The following CCDC91 variants were observed in gnomAD, a reference collection of about 807,000 sequenced individuals.
CCDC91 encodes the protein coiled-coil domain containing 91, also known as coiled-coil domain-containing protein 91.
CCDC91 carries 48 observed loss-of-function variants against 63.2 expected under a neutral mutation model. The ratio of observed to expected loss-of-function variants is 0.76; its 90% CI spans 0.60 to 0.97. The LOEUF (loss-of-function observed/expected upper bound fraction) is 0.97, where lower values mean the gene tolerates loss of function less well. Among genes scored for constraint, CCDC91 ranks in the 50% least tolerant of loss-of-function variants. CCDC91 has a pLI of 0.00. For missense variants in CCDC91, 500 were observed against 494.6 expected (o/e 1.01, Z -0.10); for synonymous variants, 167 against 165.8 (o/e 1.01, Z -0.06).
intron 3 of CCDC91, among the ~76,000 whole-genome samples, chr12:28,260,614 C>T (rs182500061): frequency 8.6e-5 from 13 of 151,958 alleles, no homozygotes; most frequent in East Asian, 7.7e-4. Context: ...CCCATGTCTA[C>T]GTGCACCTAT....
chr12:28,391,328 C>G lies in CCDC91; in HGVS notation c.679C>G (p.Gln227Glu), dbSNP rs1217177163. The G allele has an allele frequency of 1.9e-6, 3 of 1,612,230 alleles. No homozygotes were observed. The highest frequency in any genetic ancestry group is 3.3e-5 in the Admixed American group (2 of 59,946). ...YKALLQSSVK[Q>E]QVEAIEKQYI... Reference sequence around the variant, plus strand: ...GGCACTACTGCAGTCTTCAGTTAAGCAACAAGTAGAAGCTATTGAAAAACA... The same window carrying G: ...GGCACTACTGCAGTCTTCAGTTAAGGAACAAGTAGAAGCTATTGAAAAACA... The change falls in exon 8 of 13, where the codon CAA becomes GAA. Residue 227 changes from glutamine to glutamate, a missense_variant. Physicochemically the swap from Gln to Glu is conservative, Grantham distance 29. Transcript: ENST00000536442.
At chr12:28,436,618 T>C (rs1212919342) in intron 8 of CCDC91, among the ~76,000 whole-genome samples, 3 of 151,928 alleles carry the variant, frequency 2.0e-5, no homozygotes, top group Non-Finnish European at 2.9e-5. Context: ...TTGCATCATT[T>C]TCCTTGTCTC....
intron 6 of CCDC91, among the ~76,000 whole-genome samples, chr12:28,337,416 C>T (rs1942066996): frequency 6.6e-6 from 1 of 152,032 alleles, no homozygotes. Flanking sequence ...AGCAATGAAA[C>T]ATGCTTTTCA....
chr12:28,510,652 A>G (rs1299921478), intron 12 of CCDC91, among the ~76,000 whole-genome samples: 1 of 151,922 alleles, frequency 6.6e-6, no homozygotes, highest in Non-Finnish European at 1.5e-5. Flanking sequence ...ATCTTTAGCC[A>G]AATATCAGTA....
chr12:28,304,108 G>T (rs1299586776), intron 3 of CCDC91, among the ~76,000 whole-genome samples: 1 of 151,872 alleles, frequency 6.6e-6, no homozygotes. Context: ...GCCAGGTGTG[G>T]TCGCTCACAC....
intron 3 of CCDC91, among the ~76,000 whole-genome samples, chr12:28,299,432 C>T (rs545660260): frequency 6.6e-6 from 1 of 151,692 alleles, no homozygotes; most frequent in Admixed American, 6.6e-5. Context: ...TCTTACCCCT[C>T]CCTCTCTCAT....
Position 28,362,532 on chromosome 12 carries a change from GT to G in CCDC91, c.654+20del. On this transcript the variant is annotated intron_variant, in intron 7 of 12. Transcript: ENST00000536442. ...GAATATAAGGTAGAGGTTTGAGAGTGTTTACTTTTTTAAACCTTGGATAACT... is the reference window on the plus strand; with the variant it reads ...GAATATAAGGTAGAGGTTTGAGAGTGTTACTTTTTTAAACCTTGGATAACT... The G allele has an allele frequency of 6.5e-7, 1 of 1,527,086 alleles. No homozygotes were observed. The highest frequency in any genetic ancestry group is 2.1e-5 in the Admixed American group (1 of 47,012). 94.6% of individuals were successfully genotyped at this position (1,527,086 alleles called of 1,614,324 possible).
intron 12 of CCDC91, among the ~76,000 whole-genome samples, chr12:28,490,423 C>A (rs921599184): frequency 2.0e-5 from 3 of 151,806 alleles, no homozygotes; most frequent in African/African-American, 7.3e-5. Flanking sequence ...TCTACATAAG[C>A]TATATTGTAA....
In CCDC91 at chr12:28,329,876, T is replaced by C. The variant is rs185905769; in HGVS notation, c.576+22127T>C. 3.3e-3 allele frequency among the ~76,000 whole-genome samples: 497 copies of C among 152,320 alleles called. 7 individuals are homozygous for C. The highest frequency in any genetic ancestry group is 0.011 in the African/African-American group (464 of 41,570). On this transcript the variant is annotated intron_variant, in intron 6 of 12. Coordinates refer to ENST00000536442, the MANE Select transcript of CCDC91 (RefSeq NM_018318.5). ...TGAGAACATGTGGTGTTTGATTTTC[T>C]GTCCTTGTGATAGTTTGCAGAGAAT...
chr12:28,475,911 A>G (rs917473903), intron 11 of CCDC91, among the ~76,000 whole-genome samples: 6 of 151,990 alleles, frequency 3.9e-5, no homozygotes, highest in African/African-American at 7.2e-5. Flanking sequence ...GAATGGAGAC[A>G]TTATGGTTAC....
intron 1 of CCDC91, 70 bp from the exon 2 acceptor site, chr12:28,257,132 A>T: frequency 1.1e-6 from 1 of 883,080 alleles, no homozygotes; most frequent in South Asian, 1.4e-5. Context: ...GTATACATTT[A>T]AGTTGGAGAG....
At chr12:28,445,801 C>T (rs1448655181) in intron 8 of CCDC91, among the ~76,000 whole-genome samples, 10 of 152,128 alleles carry the variant, frequency 6.6e-5, no homozygotes, top group Admixed American at 6.6e-4. Flanking sequence ...TGTGCTCACA[C>T]AGAGAGAATA....
intron 1 of CCDC91, among the ~76,000 whole-genome samples, chr12:28,234,337 C>T (rs1433708521): frequency 6.6e-6 from 1 of 152,028 alleles, no homozygotes; most frequent in Non-Finnish European, 1.5e-5. Flanking sequence ...TGTAGTGAGA[C>T]AGTTGCAAAA....
At chr12:28,486,400 T>G (rs1951727867) in intron 12 of CCDC91, among the ~76,000 whole-genome samples, 1 of 152,192 alleles carries the variant, frequency 6.6e-6, no homozygotes, top group Non-Finnish European at 1.5e-5. Flanking sequence ...TTTAGTTATT[T>G]CCACATTTTT....
At chr12:28,212,246 G>C (rs1400418536) in intron 1 of CCDC91, among the ~76,000 whole-genome samples, 1 of 152,138 alleles carries the variant, frequency 6.6e-6, no homozygotes, top group Non-Finnish European at 1.5e-5. Flanking sequence ...AAATTTAAAG[G>C]AGTTTAATTG....
intron 8 of CCDC91, among the ~76,000 whole-genome samples, chr12:28,398,651 T>C (rs1946433586): frequency 6.6e-6 from 1 of 152,208 alleles, no homozygotes; most frequent in Admixed American, 6.5e-5. Flanking sequence ...AGAATTCTCT[T>C]TGATCTGCTC....
intron 11 of CCDC91, among the ~76,000 whole-genome samples, chr12:28,462,586 A>G (rs1263273913): frequency 1.3e-5 from 2 of 152,066 alleles, no homozygotes; most frequent in Non-Finnish European, 2.9e-5. Context: ...TCTACTGTTA[A>G]GTAGATTTTC....
In CCDC91 at chr12:28,449,085, A is replaced by T. The variant is rs189780424; in HGVS notation, c.763-1076A>T. Reference sequence around the variant, plus strand: ...AGTTTGGATTTGTTTTTAAGGAAAAACACATCTTTCATGTGATTTTACTTA... The same window carrying T: ...AGTTTGGATTTGTTTTTAAGGAAAATCACATCTTTCATGTGATTTTACTTA... On this transcript the variant is annotated intron_variant, in intron 8 of 12. Coordinates refer to ENST00000536442, the MANE Select transcript of CCDC91 (RefSeq NM_018318.5). Among the ~76,000 whole-genome samples, 7 of 152,152 alleles carry T rather than the reference A, an allele frequency of 4.6e-5. No individual in the cohort carries two copies. In the East Asian group the frequency reaches 1.4e-3, roughly 29 times the overall value.
rs1187723915 is a variant in CCDC91 at position 28,301,330 on chromosome 12, A to AT, written c.110-4311dup. On this transcript the variant is annotated intron_variant, in intron 3 of 12. Coordinates refer to ENST00000536442, the MANE Select transcript of CCDC91 (RefSeq NM_018318.5). ...TCCAGAGTCTGGAGATAATCATATA[A>AT]TTTTTTTTAAAATTCTGTTATTATG... 4.6e-5 allele frequency among the ~76,000 whole-genome samples: 7 copies of AT among 151,336 alleles called. No individual in the cohort carries two copies. In the South Asian group the frequency reaches 6.2e-4, roughly 13 times the overall value.
Sources: allele counts gnomAD v4.1 joint callset (sites outside exome capture counted in the v4.1 genomes callset), GRCh38; gene constraint gnomAD v4.1.1; transcripts MANE v1.5; gene names NCBI Gene and HGNC (gene_info 2026-07-23, HGNC 2026-07-21).